TCF12: variants seen among roughly 807,000 people sequenced by gnomAD.
The protein encoded by TCF12 is transcription factor 12.
TCF12 carries 45 observed loss-of-function variants against 86.0 expected under a neutral mutation model. That is an observed-to-expected ratio of 0.52 (90% CI 0.41 to 0.67). The LOEUF (loss-of-function observed/expected upper bound fraction) is 0.67. Among genes scored for constraint, TCF12 ranks in the 30% least tolerant of loss-of-function variants. TCF12 has a pLI of 0.00. For missense variants in TCF12, 881 were observed against 859.9 expected (o/e 1.02, Z -0.31); for synonymous variants, 330 against 299.6 (o/e 1.10, Z -1.05).
chr15:57,034,006 A>G (rs1330352661), intron 3 of TCF12, among the ~76,000 whole-genome samples: 2 of 152,222 alleles, frequency 1.3e-5, no homozygotes, highest in Non-Finnish European at 2.9e-5. Context: ...AAATTGAGAC[A>G]TAAGTAATAT....
intron 6 of TCF12, among the ~76,000 whole-genome samples, chr15:57,170,642 A>ATAAAATAT (rs1471733380): frequency 6.4e-5 from 2 of 31,320 alleles, no homozygotes; most frequent in African/African-American, 8.7e-4. Flanking sequence ...ATATATATAT[A>ATAAAATAT]ATATATATAT....
chr15:57,065,318 C>A (rs1368991755), intron 4 of TCF12, among the ~76,000 whole-genome samples: 1 of 152,160 alleles, frequency 6.6e-6, no homozygotes, highest in Admixed American at 6.5e-5. Context: ...TTTGTCTTAG[C>A]TATTTAATCT....
intron 16 of TCF12, among the ~76,000 whole-genome samples, chr15:57,254,375 C>T (rs2060250570): frequency 6.6e-6 from 1 of 152,148 alleles, no homozygotes; most frequent in Non-Finnish European, 1.5e-5. Flanking sequence ...ATTTTTGAGC[C>T]TCTGAAGTAA....
intron 12 of TCF12, among the ~76,000 whole-genome samples, chr15:57,242,085 A>G (rs1218631529): frequency 6.6e-6 from 1 of 152,174 alleles, no homozygotes; most frequent in East Asian, 1.9e-4. Context: ...AAATCTTGAA[A>G]GAACATTTTT....
chr15:57,067,538 CAAAAAAAAAAAAA>C (rs141377160), intron 4 of TCF12, among the ~76,000 whole-genome samples: 890 of 58,622 alleles, frequency 0.015, 7 homozygotes, highest in Admixed American at 0.03. Context: ...GACTCCGTCT[CAAAAAAAAAAAAA>C]AAAAAAAAAA....
intron 3 of TCF12, among the ~76,000 whole-genome samples, chr15:56,997,094 A>G (rs557104471): frequency 2.0e-5 from 3 of 152,274 alleles, no homozygotes; most frequent in Admixed American, 6.5e-5. Flanking sequence ...GAGTTGAACT[A>G]CCATTTGACC....
intron 8 of TCF12, among the ~76,000 whole-genome samples, chr15:57,220,018 G>A (rs1204133134): frequency 6.6e-6 from 1 of 151,974 alleles, no homozygotes; most frequent in Non-Finnish European, 1.5e-5. Flanking sequence ...GAGCCACCGC[G>A]CCCAGCCTAG....
At chr15:57,165,531 C>T (rs1415043024) in intron 5 of TCF12, among the ~76,000 whole-genome samples, 1 of 150,222 alleles carries the variant, frequency 6.7e-6, no homozygotes, top group Non-Finnish European at 1.5e-5. Flanking sequence ...TATGTCTATA[C>T]TGTATTAATT....
intron 3 of TCF12, among the ~76,000 whole-genome samples, chr15:56,998,109 A>G (rs1380783993): frequency 1.3e-5 from 2 of 152,228 alleles, no homozygotes; most frequent in Non-Finnish European, 2.9e-5. Context: ...GAAAATTTCC[A>G]CATTCTTCTC....
chr15:57,265,365 G>A (rs1483387193), intron 18 of TCF12, among the ~76,000 whole-genome samples: 1 of 152,008 alleles, frequency 6.6e-6, no homozygotes, highest in Admixed American at 6.6e-5. Context: ...TAATGTGTCT[G>A]AATTGTCCCA....
At chr15:57,271,732 C>T (rs1161799253) in intron 18 of TCF12, among the ~76,000 whole-genome samples, 1 of 152,170 alleles carries the variant, frequency 6.6e-6, no homozygotes, top group African/African-American at 2.4e-5. Context: ...AAGCAACCCA[C>T]CTCGGCAATG....
intron 3 of TCF12, among the ~76,000 whole-genome samples, chr15:56,963,244 A>G (rs936069291): frequency 2.0e-5 from 3 of 152,094 alleles, no homozygotes; most frequent in East Asian, 1.9e-4. Flanking sequence ...ATGTGGGGCA[A>G]TATAACTTGA....
At chr15:57,176,824 A>G (rs760030915) in intron 6 of TCF12, among the ~76,000 whole-genome samples, 9 of 152,232 alleles carry the variant, frequency 5.9e-5, no homozygotes, top group Non-Finnish European at 8.8e-5. Flanking sequence ...TAATAAGGGA[A>G]TGATGGCACT....
chr15:56,990,151 C>CTTTTTTTTTTTTTT (rs372235874), intron 3 of TCF12, among the ~76,000 whole-genome samples: 2 of 92,722 alleles, frequency 2.2e-5, no homozygotes. Flanking sequence ...ATAGTCTTGT[C>CTTTTTTTTTTTTTT]TTTTTTTTTT....
chr15:56,982,722 T>C (rs1271643696), intron 3 of TCF12, among the ~76,000 whole-genome samples: 1 of 152,210 alleles, frequency 6.6e-6, no homozygotes, highest in Non-Finnish European at 1.5e-5. Flanking sequence ...TAGAATCTTC[T>C]CTCCTAGTGA....
chr15:57,075,804 T>TTCTTTCTC (rs1461514777), intron 4 of TCF12, among the ~76,000 whole-genome samples: 105 of 28,588 alleles, frequency 3.7e-3, no homozygotes, highest in Non-Finnish European at 4.3e-3. Flanking sequence ...CTTTCTTTCT[T>TTCTTTCTC]TCTCTCTCTC....
At chr15:57,067,755 A>G (rs139938916) in intron 4 of TCF12, among the ~76,000 whole-genome samples, 1 of 152,158 alleles carries the variant, frequency 6.6e-6, no homozygotes, top group Non-Finnish European at 1.5e-5. Flanking sequence ...CAGAGAGCAT[A>G]GACACACACA....
chr15:57,028,522 G>A (rs891714267), intron 3 of TCF12, among the ~76,000 whole-genome samples: 14 of 152,014 alleles, frequency 9.2e-5, no homozygotes, highest in African/African-American at 2.7e-4. Context: ...TCTTTTGCCC[G>A]TTTTTAAATC....
At chr15:57,127,960 C>T (rs1027057683) in intron 5 of TCF12, among the ~76,000 whole-genome samples, 4 of 152,076 alleles carry the variant, frequency 2.6e-5, no homozygotes, top group Admixed American at 6.5e-5. Flanking sequence ...TATGAGCTTA[C>T]CAAATTCATT....
Sources: gnomAD v4.1 joint callset for allele counts (sites outside exome capture counted in the v4.1 genomes callset) on GRCh38, gnomAD v4.1.1 for gene constraint, MANE v1.5 for transcripts, NCBI Gene and HGNC (gene_info 2026-07-23, HGNC 2026-07-21) for gene names.